Variants in CSMD1 observed in about 807,000 individuals in gnomAD.
CSMD1 encodes CUB and sushi domain-containing protein 1.
In CSMD1, 213 loss-of-function variants were observed where a neutral mutation model predicts 417.5. That is an observed-to-expected ratio of 0.51 (90% confidence interval 0.46 to 0.57). The LOEUF (loss-of-function observed/expected upper bound fraction) is 0.57. CSMD1 is among the 20% of genes least tolerant of loss of function. The pLI is 0.00. For missense variants in CSMD1, 6,923 were observed against 4,529.7 expected, an observed-to-expected ratio of 1.53 and a Z score of -15.17; for synonymous variants, 2,862 against 1,736.8, an observed-to-expected ratio of 1.65 and a Z score of -16.11.
Position 3,493,305 on chromosome 8 carries a change from A to G in CSMD1, c.1448+318T>C, listed in dbSNP as rs578067936. ...TAAGAACCTGTCTCAAAAAAAAAAA[A>G]AAAAAAAGGGGGGGCGGAGGGGTTG... On this transcript the variant is annotated intron_variant, in intron 11 of 69. Coordinates refer to ENST00000635120, the MANE Select transcript of CSMD1 (RefSeq NM_033225.6). 5.4e-5 allele frequency among the ~76,000 whole-genome samples: 8 copies of G among 148,364 alleles called. No homozygotes were observed. The East Asian group carries it at 1.6e-3, about 30-fold the overall frequency.
intron 12 of CSMD1, among the ~76,000 whole-genome samples, chr8:3,409,908 C>T (rs1303316456): frequency 6.6e-6 from 1 of 152,206 alleles, no homozygotes. Context: ...TACCTCCGAT[C>T]TTTTATCTGC....
At chr8:3,195,893 T>A (rs1199447635) in intron 33 of CSMD1, among the ~76,000 whole-genome samples, 1 of 152,168 alleles carries the variant, frequency 6.6e-6, no homozygotes, top group Non-Finnish European at 1.5e-5. Context: ...CTTGGAATAT[T>A]TAAACTGTCA....
intron 12 of CSMD1, among the ~76,000 whole-genome samples, chr8:3,421,577 TTA>T (rs1248075448): frequency 6.6e-6 from 1 of 152,196 alleles, no homozygotes; most frequent in Non-Finnish European, 1.5e-5. Context: ...GCCTGTTTGA[TTA>T]TGTGTTAAAC....
intron 4 of CSMD1, among the ~76,000 whole-genome samples, chr8:4,031,163 G>A (rs558912150): frequency 1.3e-4 from 20 of 152,244 alleles, no homozygotes; most frequent in South Asian, 4.1e-4. Context: ...TTCCAAAGTC[G>A]CTTCCACATC....
At chr8:3,236,663 G>A (rs573785073) in intron 26 of CSMD1, among the ~76,000 whole-genome samples, 2 of 152,300 alleles carry the variant, frequency 1.3e-5, no homozygotes, top group East Asian at 3.9e-4. Flanking sequence ...GATTGGCAGA[G>A]CACGCTGTCA....
chr8:4,299,422 G>C (rs1311192990), intron 3 of CSMD1, among the ~76,000 whole-genome samples: 1 of 152,080 alleles, frequency 6.6e-6, no homozygotes, highest in Non-Finnish European at 1.5e-5. Flanking sequence ...TGATTTTCAG[G>C]ATTCCTACAG....
chr8:4,728,779 G>A (rs1047537990), intron 1 of CSMD1, among the ~76,000 whole-genome samples: 2 of 151,974 alleles, frequency 1.3e-5, no homozygotes, highest in Non-Finnish European at 1.5e-5. Flanking sequence ...ATAACCAGAT[G>A]TCTGCTGCCA....
intron 1 of CSMD1, among the ~76,000 whole-genome samples, chr8:4,900,063 T>C (rs1804766569): frequency 1.3e-5 from 2 of 152,168 alleles, no homozygotes; most frequent in Admixed American, 6.5e-5. Flanking sequence ...TCCTCCTCCA[T>C]CTCTGGTAGT....
chr8:2,963,425 T>C, intron 59 of CSMD1, 30 bp from the exon 60 acceptor site: 2 of 1,603,422 alleles, frequency 1.2e-6, no homozygotes, highest in African/African-American at 1.3e-5. Context: ...AAGATCAACA[T>C]TCCGGAGCTC....
At chr8:3,031,576 G>T (rs1171846991) in intron 50 of CSMD1, among the ~76,000 whole-genome samples, 1 of 151,844 alleles carries the variant, frequency 6.6e-6, no homozygotes, top group Non-Finnish European at 1.5e-5. Context: ...TTTCCTTGTT[G>T]TTTTATACAG....
chr8:4,149,852 A>C (rs1233175871), intron 3 of CSMD1, among the ~76,000 whole-genome samples: 1 of 152,168 alleles, frequency 6.6e-6, no homozygotes, highest in South Asian at 2.1e-4. Context: ...TTATAAATTA[A>C]ATGCATAATG....
intron 4 of CSMD1, 34 bp downstream of exon 4, chr8:4,031,871 G>C (rs1023195162): frequency 2.6e-5 from 40 of 1,543,584 alleles, no homozygotes; most frequent in South Asian, 9.5e-5. Context: ...CCCTGCCCTG[G>C]AGTCTGCTCA....
chr8:4,673,933 A>G lies in CSMD1; in HGVS notation c.86-36375T>C, dbSNP rs574171521. 3.7e-4 allele frequency among the ~76,000 whole-genome samples: 56 copies of G among 152,312 alleles called. 1 individual carries two copies. The highest frequency in any genetic ancestry group is 1.3e-3 in the African/African-American group (55 of 41,574). On this transcript the variant is annotated intron_variant, in intron 1 of 69. Coordinates refer to ENST00000635120, the MANE Select transcript of CSMD1 (RefSeq NM_033225.6). ...TTTGGGAGGATAGATAAAAAGCCCT[A>G]AAATTAATAAAGGAGGTGATTGCAC...
At chr8:3,372,233 T>G (rs76965608) in intron 18 of CSMD1, among the ~76,000 whole-genome samples, 1,616 of 151,958 alleles carry the variant, frequency 0.011, 41 homozygotes, top group East Asian at 0.079. Context: ...GGGGAACAAT[T>G]TGGGTAGAGA....
intron 29 of CSMD1, among the ~76,000 whole-genome samples, chr8:3,217,605 G>T (rs554585515): frequency 1.3e-5 from 2 of 152,282 alleles, no homozygotes; most frequent in South Asian, 4.1e-4. Flanking sequence ...TTCTTGTTAA[G>T]AAACTAAATT....
At chr8:4,060,131 G>C (rs1455717614) in intron 3 of CSMD1, among the ~76,000 whole-genome samples, 1 of 152,160 alleles carries the variant, frequency 6.6e-6, no homozygotes, top group Non-Finnish European at 1.5e-5. Flanking sequence ...ATGCAAGGCT[G>C]GTTCAACATA....
At chr8:4,010,823 G>T (rs1039101925) in intron 4 of CSMD1, among the ~76,000 whole-genome samples, 2 of 152,146 alleles carry the variant, frequency 1.3e-5, no homozygotes, top group African/African-American at 4.8e-5. Context: ...TTTGGTTCCA[G>T]TCTAGGCCAA....
chr8:2,949,592 T>A (rs1050342572), intron 67 of CSMD1, among the ~76,000 whole-genome samples: 1 of 152,188 alleles, frequency 6.6e-6, no homozygotes, highest in South Asian at 2.1e-4. Flanking sequence ...AACTAACATA[T>A]GCAAATGCTC....
At chr8:3,385,102 ATAAAT>A (rs1810919529) in intron 18 of CSMD1, among the ~76,000 whole-genome samples, 1 of 93,926 alleles carries the variant, frequency 1.1e-5, no homozygotes, top group African/African-American at 4.1e-5. Flanking sequence ...AAATATATAT[ATAAAT>A]AAAAATATAT....
Sources: gnomAD v4.1 joint callset for allele counts (sites outside exome capture counted in the v4.1 genomes callset) on GRCh38, gnomAD v4.1.1 for gene constraint, MANE v1.5 for transcripts, NCBI Gene and HGNC (gene_info 2026-07-23, HGNC 2026-07-21) for gene names.